The following GATAD2A variants were observed in gnomAD, a reference collection of about 807,000 sequenced individuals.
The protein encoded by GATAD2A is GATA zinc finger domain containing 2A.
In GATAD2A, 12 loss-of-function variants were observed where a neutral mutation model predicts 68.5. The observed-to-expected ratio is 0.18, with a 90% confidence interval of 0.11 to 0.28. GATAD2A has a LOEUF of 0.28. GATAD2A is among the 10% of genes least tolerant of loss of function. The probability of loss-of-function intolerance (pLI) is 1.00; values close to 1 mark genes in which losing one functional copy is unlikely to be tolerated. For missense variants in GATAD2A, 755 were observed against 868.5 expected (o/e 0.87, Z 1.64); for synonymous variants, 410 against 375.3 (o/e 1.09, Z -1.07).
intron 1 of GATAD2A, chr19:19,457,328 C>CT (rs1266704098): frequency 2.9e-6 from 2 of 686,542 alleles, no homozygotes; most frequent in Non-Finnish European, 3.6e-6. Flanking sequence ...CAGGGCAAGT[C>CT]TAGATTCAGT....
At chr19:19,469,842 G>A (rs542336920) in intron 2 of GATAD2A, among the ~76,000 whole-genome samples, 5 of 152,104 alleles carry the variant, frequency 3.3e-5, no homozygotes, top group Non-Finnish European at 5.9e-5. Context: ...AGCTACTTGG[G>A]AGGCTGAGGC....
intron 1 of GATAD2A, among the ~76,000 whole-genome samples, chr19:19,410,718 G>C (rs1032759035): frequency 6.6e-6 from 1 of 152,170 alleles, no homozygotes; most frequent in African/African-American, 2.4e-5. Context: ...AAGTGTGGCC[G>C]TGTGCCTATT....
At chr19:19,476,597 G>A (rs2058692115) in intron 2 of GATAD2A, among the ~76,000 whole-genome samples, 1 of 152,254 alleles carries the variant, frequency 6.6e-6, no homozygotes, top group Non-Finnish European at 1.5e-5. Context: ...AGGCTACGGG[G>A]CGGCTTCTGA....
intron 4 of GATAD2A, among the ~76,000 whole-genome samples, chr19:19,493,265 A>T (rs2059924363): frequency 6.6e-6 from 1 of 152,246 alleles, no homozygotes; most frequent in Non-Finnish European, 1.5e-5. Context: ...AACAGGTGTC[A>T]AGGAAGTGGA....
chr19:19,470,557 ACT>A (rs2058224825), intron 2 of GATAD2A, among the ~76,000 whole-genome samples: 1 of 152,174 alleles, frequency 6.6e-6, no homozygotes, highest in Non-Finnish European at 1.5e-5. Context: ...TCAATATCCC[ACT>A]CTCAATAATT....
At position 19,471,756 on chromosome 19, in the gene GATAD2A, A is replaced by G. The variant is rs550043822; in HGVS notation, c.269+6142A>G. On this transcript the variant is annotated intron_variant, in intron 2 of 11. Transcript: ENST00000683918. ...TTGTGGCATCCATAAATGTGCACAC[A>G]GAAAAACAAAACCCGCAGAGGTAGA... 3.9e-5 allele frequency among the ~76,000 whole-genome samples: 6 copies of G among 152,366 alleles called. No homozygotes were observed. The South Asian group carries it at 1.2e-3, about 32-fold the overall frequency.
intron 1 of GATAD2A, among the ~76,000 whole-genome samples, chr19:19,461,887 G>T (rs1455059870): frequency 6.6e-6 from 1 of 152,208 alleles, no homozygotes; most frequent in Non-Finnish European, 1.5e-5. Flanking sequence ...GCACACTGCT[G>T]TTGGGATCTG....
chr19:19,396,779 G>A (rs1215031080), intron 1 of GATAD2A, among the ~76,000 whole-genome samples: 1 of 152,128 alleles, frequency 6.6e-6, no homozygotes. Context: ...TGCAGTCTCA[G>A]CTCATTGCAA....
At chr19:19,405,611 T>C (rs1041487601), upstream of GATAD2A, among the ~76,000 whole-genome samples, 1 of 151,570 alleles carries the variant, frequency 6.6e-6, no homozygotes, top group East Asian at 1.9e-4. Context: ...GGGGCCCGCC[T>C]TCTACGCCTG....
At chr19:19,446,753 C>T (rs568730049) in intron 1 of GATAD2A, among the ~76,000 whole-genome samples, 19 of 152,116 alleles carry the variant, frequency 1.2e-4, no homozygotes, top group Non-Finnish European at 2.5e-4. Flanking sequence ...TAGAGACAGT[C>T]TCACTATGTT....
intron 1 of GATAD2A, among the ~76,000 whole-genome samples, chr19:19,434,090 T>C (rs2054049952): frequency 6.6e-6 from 1 of 152,232 alleles, no homozygotes. Context: ...ATTTTTCTTG[T>C]TGTTTCATTG....
chr19:19,387,446 A>G (rs2048522594), intron 1 of GATAD2A, among the ~76,000 whole-genome samples: 2 of 151,724 alleles, frequency 1.3e-5, no homozygotes, highest in Non-Finnish European at 2.9e-5. Context: ...CAGCTTCCTG[A>G]GTAGCTGGGA....
At chr19:19,399,771 T>C (rs575812544) in intron 1 of GATAD2A, among the ~76,000 whole-genome samples, 36 of 152,302 alleles carry the variant, frequency 2.4e-4, no homozygotes, top group Non-Finnish European at 4.9e-4. Flanking sequence ...TTGGGGAGTA[T>C]ACATCCTGTT....
chr19:19,435,242 G>A (rs2054200209), intron 1 of GATAD2A: 2 of 453,818 alleles, frequency 4.4e-6, no homozygotes, highest in Non-Finnish European at 9.5e-6. Flanking sequence ...TGTTTTTTGA[G>A]ACAGGGTCTC....
At chr19:19,392,282 C>G (rs2048898463) in intron 1 of GATAD2A, among the ~76,000 whole-genome samples, 1 of 151,382 alleles carries the variant, frequency 6.6e-6, no homozygotes, top group Non-Finnish European at 1.5e-5. Flanking sequence ...CAGGGTCTCG[C>G]TATGTTTCCC....
In GATAD2A at chr19:19,455,452, G is replaced by A. The variant is rs564201808; in HGVS notation, c.-6-9888G>A. ...TTGCAGTGAGCTGAGATTGTGCCGCGCCACTCCACTCCAGCCTGGGTGACA... is the reference window on the plus strand; with the variant it reads ...TTGCAGTGAGCTGAGATTGTGCCGCACCACTCCACTCCAGCCTGGGTGACA... On this transcript the variant is annotated intron_variant, in intron 1 of 11. Transcript: ENST00000683918. Among the ~76,000 whole-genome samples the A allele has an allele frequency of 1.3e-4, 19 of 151,964 alleles. No individual in the cohort carries two copies. In the South Asian group the frequency reaches 2.9e-3, roughly 23 times the overall value.
chr19:19,498,257 C>T (rs935563162), intron 7 of GATAD2A, among the ~76,000 whole-genome samples, 186 bp from the exon 8 acceptor site: 12 of 152,248 alleles, frequency 7.9e-5, no homozygotes, highest in Admixed American at 5.9e-4. Flanking sequence ...GTGTGTTTCT[C>T]GCGCCTCTCC....
intron 1 of GATAD2A, among the ~76,000 whole-genome samples, chr19:19,410,874 C>A (rs943452253): frequency 1.3e-5 from 2 of 152,222 alleles, no homozygotes; most frequent in Non-Finnish European, 2.9e-5. Context: ...GGGGTACTTA[C>A]TATCTCCCGT....
chr19:19,393,404 TA>T (rs1177965012), intron 1 of GATAD2A, among the ~76,000 whole-genome samples: 2 of 152,200 alleles, frequency 1.3e-5, no homozygotes, highest in African/African-American at 4.8e-5. Context: ...CAATTTACAT[TA>T]CATTAAAAAT....
Sources: gnomAD v4.1 joint callset for allele counts (sites outside exome capture counted in the v4.1 genomes callset) on GRCh38, gnomAD v4.1.1 for gene constraint, MANE v1.5 for transcripts, NCBI Gene and HGNC (gene_info 2026-07-23, HGNC 2026-07-21) for gene names.